FBN1: variants seen among roughly 807,000 people sequenced by gnomAD.
FBN1 encodes the protein fibrillin-1.
FBN1 carries 29 observed loss-of-function variants against 365.1 expected under a neutral mutation model. The observed-to-expected ratio is 0.08, with a 90% CI of 0.06 to 0.11. The LOEUF is 0.11. Among genes scored for constraint, FBN1 ranks in the 10% least tolerant of loss-of-function variants. The pLI, the probability that FBN1 is intolerant of heterozygous loss-of-function variation, is 1.00. For synonymous variants in FBN1, 1,210 were observed against 1,270.5 expected, an observed-to-expected ratio of 0.95 and a Z score of 1.01; for missense variants, 2,476 against 3,703.2, an observed-to-expected ratio of 0.67 and a Z score of 8.60.
intron 32 of FBN1, among the ~76,000 whole-genome samples, chr15:48,480,265 T>C (rs71467652): frequency 0.13 from 19,455 of 152,132 alleles, 1,551 homozygotes; most frequent in East Asian, 0.36. Context: ...AGTAGTATTA[T>C]CCTCTATTAG....
intron 48 of FBN1, 145 bp from the exon 49 acceptor site, chr15:48,444,805 G>C (rs1401818534): frequency 6.8e-6 from 6 of 879,732 alleles, no homozygotes; most frequent in Non-Finnish European, 1.1e-5. Context: ...AGAAAAATAA[G>C]CAATAATAAA....
chr15:48,516,244 TCCAGGAGGAAAG>T lies in FBN1; in HGVS notation c.1254_1265del (p.Phe419_Gly422del). On this transcript the variant is annotated inframe_deletion, in exon 11 of 66. Transcript: ENST00000316623. ...GTGGTCGAGGGACCGGAATTTGAGG[TCCAGGAGGAAAG>T]CCAGGAGGAACAGGGAGAACTGGAG... is the stretch of plus-strand genomic sequence containing the variant. 1.9e-6 allele frequency: 3 copies of T among 1,612,436 alleles called. No homozygotes were observed. The highest frequency in any genetic ancestry group is 1.7e-4 in the Middle Eastern group (1 of 6,046).
chr15:48,485,573 A>T, intron 29 of FBN1, 77 bp from the exon 30 acceptor site: 1 of 1,513,500 alleles, frequency 6.6e-7, no homozygotes, highest in Non-Finnish European at 9.1e-7. Context: ...GTTGAAATTT[A>T]ACTGCCATTG....
At chr15:48,600,743 T>C (rs376514181) in intron 4 of FBN1, among the ~76,000 whole-genome samples, 12 of 152,182 alleles carry the variant, frequency 7.9e-5, no homozygotes, top group African/African-American at 2.2e-4. Flanking sequence ...ATTGTTTCTC[T>C]GGCATTCACT....
intron 6 of FBN1, among the ~76,000 whole-genome samples, chr15:48,558,700 GA>G (rs1349013338): frequency 6.6e-6 from 1 of 152,192 alleles, no homozygotes; most frequent in Non-Finnish European, 1.5e-5. Context: ...AATTTAGTAG[GA>G]ATGGATATCA....
intron 6 of FBN1, among the ~76,000 whole-genome samples, chr15:48,550,789 G>A (rs183809002): frequency 4.6e-5 from 7 of 152,088 alleles, no homozygotes; most frequent in East Asian, 3.9e-4. Flanking sequence ...CTCCCCTGAC[G>A]ACTTACTCCT....
chr15:48,501,813 G>A (rs1403584161), intron 17 of FBN1, among the ~76,000 whole-genome samples: 1 of 152,068 alleles, frequency 6.6e-6, no homozygotes, highest in Non-Finnish European at 1.5e-5. Context: ...ACTTTGAAAA[G>A]TTAAAGTAAC....
At chr15:48,500,944 C>T (rs2141311771) in intron 17 of FBN1, among the ~76,000 whole-genome samples, 1 of 152,268 alleles carries the variant, frequency 6.6e-6, no homozygotes, top group African/African-American at 2.4e-5. Context: ...TGAATATTTT[C>T]AGTACTTTAA....
In FBN1 at chr15:48,430,717, G is replaced by A; in HGVS notation, c.6825C>T (p.Ile2275=). 1.2e-6 allele frequency: 2 copies of A among 1,613,806 alleles called. No homozygotes were observed. The highest frequency in any genetic ancestry group is 1.7e-6 in the Non-Finnish European group (2 of 1,179,772). The change falls in exon 56 of 66, where the codon ATC becomes ATT. Residue 2275 remains isoleucine, a synonymous_variant. Coordinates refer to ENST00000316623, the MANE Select transcript of FBN1 (RefSeq NM_000138.5). ...CKNLIGTYMC[I]CGPGYQRRPD... ...GTCTCCGCTGATACCCGGGTCCACA[G>A]ATGCACATATATGTGCCAATGAGGT...
Position 48,463,917 on chromosome 15 carries a change from C to T in FBN1, c.5047G>A (p.Gly1683Arg), listed in dbSNP as rs2141267611. The T allele has an allele frequency of 6.2e-7, 1 of 1,613,520 alleles. No homozygotes were observed. Among genetic ancestry groups the T allele is most frequent in the Middle Eastern group, 1.7e-4 (1 of 6,060 alleles). ...ICPPDYMQVN[G>R]GNNCMDMRRS... ...GACTTACCCATGCAATTATTTCCCC[C>T]ATTCACTTGCATGTAGTCTGGAGGA... is the stretch of plus-strand genomic sequence containing the variant. Residue 1683 changes from glycine (G) to arginine (R), a missense_variant, in exon 41 of 66, where the codon GGG becomes AGG. Gly to Arg is a moderately radical substitution (Grantham distance 125). Transcript: ENST00000316623.
At chr15:48,605,370 T>C (rs1390757910) in intron 4 of FBN1, among the ~76,000 whole-genome samples, 2 of 152,138 alleles carry the variant, frequency 1.3e-5, no homozygotes, top group East Asian at 1.9e-4. Flanking sequence ...AATGAAAGCA[T>C]GATCCAGTAA....
At chr15:48,610,914 T>A in intron 3 of FBN1, 88 bp from the exon 4 acceptor site, 1 of 1,095,100 alleles carries the variant, frequency 9.1e-7, no homozygotes, top group Non-Finnish European at 1.4e-6. Flanking sequence ...AAACCTGGGT[T>A]CTCAGGTCCC....
At chr15:48,616,513 T>C (rs1244783393) in intron 2 of FBN1, among the ~76,000 whole-genome samples, 10 of 152,232 alleles carry the variant, frequency 6.6e-5, no homozygotes, top group African/African-American at 2.4e-4. Flanking sequence ...GAATGTCTTA[T>C]TGAAGCTGGA....
chr15:48,491,297 A>G (rs911710209), intron 24 of FBN1, among the ~76,000 whole-genome samples: 1 of 151,910 alleles, frequency 6.6e-6, no homozygotes, highest in Admixed American at 6.6e-5. Context: ...TGTTAATTCT[A>G]ATTCGTAAGT....
intron 34 of FBN1, 148 bp downstream of exon 34, chr15:48,474,107 T>G: frequency 8.5e-7 from 1 of 1,182,000 alleles, no homozygotes; most frequent in East Asian, 2.5e-5. Flanking sequence ...GGTTCCAATT[T>G]TTTTTTTCCC....
chr15:48,500,095 G>C (rs990690947), intron 17 of FBN1, among the ~76,000 whole-genome samples: 1 of 152,176 alleles, frequency 6.6e-6, no homozygotes, highest in Non-Finnish European at 1.5e-5. Context: ...AACCATCTTA[G>C]AAGGGGTCAA....
chr15:48,634,793 C>T (rs1890058282), intron 2 of FBN1, among the ~76,000 whole-genome samples: 1 of 106,680 alleles, frequency 9.4e-6, no homozygotes, highest in African/African-American at 3.6e-5. Context: ...GAAAAGATGG[C>T]AACAAAGAAG....
At chr15:48,538,051 G>C (rs777099628) in intron 6 of FBN1, among the ~76,000 whole-genome samples, 1 of 152,196 alleles carries the variant, frequency 6.6e-6, no homozygotes, top group Non-Finnish European at 1.5e-5. Context: ...GGCATTGTGA[G>C]GATCAGGCGA....
chr15:48,555,283 C>T (rs1245848047), intron 6 of FBN1, among the ~76,000 whole-genome samples: 5 of 152,144 alleles, frequency 3.3e-5, no homozygotes, highest in African/African-American at 7.2e-5. Context: ...AACCCCCTTT[C>T]GCCCAGCATG....
Sources: allele counts gnomAD v4.1 joint callset (sites outside exome capture counted in the v4.1 genomes callset), GRCh38; gene constraint gnomAD v4.1.1; transcripts MANE v1.5; gene names NCBI Gene and HGNC (gene_info 2026-07-23, HGNC 2026-07-21).